Variants in PPM1E observed in about 807,000 individuals in gnomAD.
PPM1E encodes the protein protein phosphatase, Mg2+/Mn2+ dependent 1E.
Under a neutral mutation model 65.9 loss-of-function variants are expected in PPM1E, and 20 were observed. The ratio of observed to expected loss-of-function variants is 0.30; its 90% CI spans 0.21 to 0.44. The LOEUF (loss-of-function observed/expected upper bound fraction) is 0.44, where lower values mean the gene tolerates loss of function less well. Ranked by LOEUF, PPM1E falls within the 20% of genes least tolerant of loss-of-function variation. The probability of loss-of-function intolerance (pLI) is 1.00; values close to 1 mark genes in which losing one functional copy is unlikely to be tolerated. For synonymous variants in PPM1E, 352 were observed against 374.9 expected (o/e 0.94, Z 0.70); for missense variants, 713 against 953.1 (o/e 0.75, Z 3.32).
At chr17:58,827,856 C>T (rs1473594918) in intron 1 of PPM1E, among the ~76,000 whole-genome samples, 3 of 145,788 alleles carry the variant, frequency 2.1e-5, no homozygotes, top group East Asian at 4.1e-4. Flanking sequence ...GAGCCAAGAT[C>T]GTGCCAGTGC....
intron 1 of PPM1E, among the ~76,000 whole-genome samples, chr17:58,793,151 T>G (rs1386961936): frequency 6.6e-6 from 1 of 152,042 alleles, no homozygotes; most frequent in African/African-American, 2.4e-5. Context: ...TAATTCCTCT[T>G]GAATTTTCCT....
intron 1 of PPM1E, among the ~76,000 whole-genome samples, chr17:58,858,488 A>G (rs1396524173): frequency 1.3e-5 from 2 of 149,308 alleles, no homozygotes; most frequent in Non-Finnish European, 3.0e-5. Flanking sequence ...AGCCTCTAAT[A>G]TTTTCTGTTC....
intron 1 of PPM1E, among the ~76,000 whole-genome samples, chr17:58,795,877 T>C (rs1380158711): frequency 6.6e-6 from 1 of 152,170 alleles, no homozygotes; most frequent in Non-Finnish European, 1.5e-5. Flanking sequence ...CTTTTAAATG[T>C]TTTGTTTTTT....
chr17:58,851,689 C>G (rs1306479392), intron 1 of PPM1E, among the ~76,000 whole-genome samples: 3 of 152,232 alleles, frequency 2.0e-5, no homozygotes, highest in African/African-American at 7.2e-5. Context: ...CAGTTGGCCC[C>G]TACTGGGAGA....
At chr17:58,892,530 A>C (rs1053778438) in intron 1 of PPM1E, among the ~76,000 whole-genome samples, 1 of 152,076 alleles carries the variant, frequency 6.6e-6, no homozygotes, top group African/African-American at 2.4e-5. Flanking sequence ...CCACGATCAC[A>C]CCACTGCACT....
At chr17:58,974,032 G>A (rs2030837467) in intron 6 of PPM1E, among the ~76,000 whole-genome samples, 1 of 152,040 alleles carries the variant, frequency 6.6e-6, no homozygotes, top group Non-Finnish European at 1.5e-5. Context: ...GGAGGCTGAG[G>A]CGGAAGGATT....
intron 1 of PPM1E, among the ~76,000 whole-genome samples, chr17:58,837,320 A>AACACACATACAC (rs751021723): frequency 0.021 from 2,553 of 120,162 alleles, 43 homozygotes; most frequent in Middle Eastern, 0.036. Context: ...GAATGAGAAT[A>AACACACATACAC]ACACACACAC....
Position 58,797,336 on chromosome 17 carries a change from T to G in PPM1E, c.464+40875T>G, listed in dbSNP as rs573469491. 3.9e-5 allele frequency among the ~76,000 whole-genome samples: 6 copies of G among 152,266 alleles called. No individual in the cohort carries two copies. In the South Asian group the frequency reaches 1.2e-3, roughly 32 times the overall value. On this transcript the variant is annotated intron_variant, in intron 1 of 6. Transcript: ENST00000308249. ...ATCCCTATCAGAATTAGAACATTAC[T>G]GCTATTCCAGAAGGTTTCTTCACAC...
At chr17:58,935,943 G>A (rs1464654829) in intron 1 of PPM1E, among the ~76,000 whole-genome samples, 1 of 151,660 alleles carries the variant, frequency 6.6e-6, no homozygotes, top group African/African-American at 2.4e-5. Context: ...TTAGCATTAG[G>A]TATATCTCCT....
At chr17:58,766,751 A>T (rs929909582) in intron 1 of PPM1E, among the ~76,000 whole-genome samples, 4 of 152,084 alleles carry the variant, frequency 2.6e-5, no homozygotes, top group Non-Finnish European at 5.9e-5. Context: ...AAATTCAGCT[A>T]TCACTGATTT....
intron 1 of PPM1E, among the ~76,000 whole-genome samples, chr17:58,771,948 C>T (rs2049943325): frequency 6.6e-6 from 1 of 152,122 alleles, no homozygotes; most frequent in Admixed American, 6.6e-5. Flanking sequence ...ACAATGTGAA[C>T]ATGTTATTAT....
intron 1 of PPM1E, among the ~76,000 whole-genome samples, chr17:58,939,596 G>A (rs2052035985): frequency 2.0e-5 from 3 of 152,208 alleles, no homozygotes; most frequent in Non-Finnish European, 2.9e-5. Context: ...GAAGTGGAAC[G>A]TGTTACTTAT....
chr17:58,799,884 A>G (rs375451897), intron 1 of PPM1E, among the ~76,000 whole-genome samples: 1 of 152,226 alleles, frequency 6.6e-6, no homozygotes, highest in African/African-American at 2.4e-5. Flanking sequence ...CTGGCCTCAC[A>G]TTAAGTCTTG....
intron 1 of PPM1E, among the ~76,000 whole-genome samples, chr17:58,829,881 A>G (rs2050581224): frequency 6.6e-6 from 1 of 152,172 alleles, no homozygotes; most frequent in South Asian, 2.1e-4. Context: ...CTAGTTGGGT[A>G]CAGAATTACA....
chr17:58,786,762 T>G, intron 1 of PPM1E, among the ~76,000 whole-genome samples: 1 of 152,218 alleles, frequency 6.6e-6, no homozygotes. Flanking sequence ...AACTTCCATA[T>G]TATTGTTTTT....
intron 1 of PPM1E, among the ~76,000 whole-genome samples, chr17:58,788,442 C>T (rs1207347250): frequency 6.6e-6 from 1 of 152,162 alleles, no homozygotes; most frequent in Admixed American, 6.5e-5. Context: ...TCTGCTACAA[C>T]GGTACTCTTT....
chr17:58,765,590 A>C (rs1598556347), intron 1 of PPM1E, among the ~76,000 whole-genome samples: 1 of 152,284 alleles, frequency 6.6e-6, no homozygotes, highest in East Asian at 1.9e-4. Context: ...TAAAAGATTG[A>C]GAGTATTCTT....
At position 58,769,402 on chromosome 17, in the gene PPM1E, C is replaced by G. The variant is rs528125958; in HGVS notation, c.464+12941C>G. ...TTGAGCTCCCAAGTTTGAGACCAAC[C>G]TGGGCAACATGACAAAACCCTGTCT... On this transcript the variant is annotated intron_variant, in intron 1 of 6. Transcript: ENST00000308249. Among the ~76,000 whole-genome samples the G allele has an allele frequency of 3.5e-4, 54 of 152,166 alleles. No individual in the cohort carries two copies. The East Asian group carries it at 9.1e-3, about 26-fold the overall frequency.
At chr17:58,784,871 A>G (rs1384324099) in intron 1 of PPM1E, among the ~76,000 whole-genome samples, 1 of 152,166 alleles carries the variant, frequency 6.6e-6, no homozygotes, top group Admixed American at 6.5e-5. Context: ...TTTGAATTGT[A>G]AGAGTTCTCT....
Sources: gnomAD v4.1 joint callset for allele counts (sites outside exome capture counted in the v4.1 genomes callset) on GRCh38, gnomAD v4.1.1 for gene constraint, MANE v1.5 for transcripts, NCBI Gene and HGNC (gene_info 2026-07-23, HGNC 2026-07-21) for gene names.